The following MTUS2 variants were observed in gnomAD, a reference collection of about 807,000 sequenced individuals.
The protein encoded by MTUS2 is microtubule-associated tumor suppressor candidate 2.
In MTUS2, 40 loss-of-function variants were observed where a neutral mutation model predicts 114.1. The observed-to-expected ratio is 0.35, with a 90% CI of 0.27 to 0.46. MTUS2 has a LOEUF of 0.46. MTUS2 is among the 20% of genes least tolerant of loss of function. The pLI, the probability that MTUS2 is intolerant of heterozygous loss-of-function variation, is 1.00. For missense variants in MTUS2, 1,679 were observed against 1,705.4 expected (o/e 0.98, Z 0.27); for synonymous variants, 688 against 672.0 (o/e 1.02, Z -0.37).
At chr13:29,464,271 C>T (rs1160926382) in intron 9 of MTUS2, among the ~76,000 whole-genome samples, 1 of 152,218 alleles carries the variant, frequency 6.6e-6, no homozygotes, top group Non-Finnish European at 1.5e-5. Flanking sequence ...AAGGCGGAAG[C>T]CTGGAAGCAA....
At chr13:29,304,724 A>T (rs1040407314) in intron 6 of MTUS2, among the ~76,000 whole-genome samples, 3 of 152,194 alleles carry the variant, frequency 2.0e-5, no homozygotes, top group African/African-American at 7.2e-5. Context: ...TATTAGACAG[A>T]TGATCAAGAC....
intron 6 of MTUS2, among the ~76,000 whole-genome samples, chr13:29,306,494 A>G (rs905738549): frequency 6.6e-6 from 1 of 152,198 alleles, no homozygotes; most frequent in Admixed American, 6.5e-5. Context: ...TACACCAACA[A>G]CAGGAAAGCA....
In MTUS2 at chr13:29,487,972, A is replaced by G. The variant is rs1350765894; in HGVS notation, c.3472A>G (p.Ile1158Val). ...MENNHTVAIT[I>V]LQDDHDHKVQ... Reference sequence around the variant, plus strand: ...AAATAACCACACAGTTGCCATCACAATCCTGCAGGATGACCACGACCACAA... The same window carrying G: ...AAATAACCACACAGTTGCCATCACAGTCCTGCAGGATGACCACGACCACAA... Residue 1158 changes from isoleucine to valine, a missense_variant, in exon 11 of 16, where the codon ATC becomes GTC. By Grantham distance (29) the Ile-to-Val change is conservative. Coordinates refer to ENST00000612955, the MANE Select transcript of MTUS2 (RefSeq NM_001033602.4). 6 of 1,614,066 alleles carry G rather than the reference A, an allele frequency of 3.7e-6. No individual in the cohort carries two copies. The highest frequency in any genetic ancestry group is 5.1e-6 in the Non-Finnish European group (6 of 1,180,006).
At chr13:29,285,228 T>C (rs756570764) in intron 6 of MTUS2, among the ~76,000 whole-genome samples, 8 of 149,776 alleles carry the variant, frequency 5.3e-5, no homozygotes, top group Non-Finnish European at 1.0e-4. Flanking sequence ...ACTAGTCACA[T>C]TGGAGGATGC....
At chr13:29,085,069 T>C (rs7331544) in intron 4 of MTUS2, among the ~76,000 whole-genome samples, 45,363 of 151,876 alleles carry the variant, frequency 0.3, 7,100 homozygotes, top group East Asian at 0.6. Flanking sequence ...TGCAGTTGTT[T>C]AAAAGAATCT....
intron 8 of MTUS2, among the ~76,000 whole-genome samples, chr13:29,394,732 T>G (rs570039781): frequency 1.3e-5 from 2 of 152,228 alleles, no homozygotes; most frequent in African/African-American, 4.8e-5. Context: ...GTGCAGGAGG[T>G]GAGCAGTGGG....
intron 2 of MTUS2, among the ~76,000 whole-genome samples, chr13:28,984,332 C>G (rs1188749897): frequency 6.6e-6 from 1 of 152,280 alleles, no homozygotes; most frequent in East Asian, 1.9e-4. Flanking sequence ...TCCTTCTACC[C>G]CTCCTTTCCT....
Position 29,496,189 on chromosome 13 carries a change from G to A in MTUS2, c.3580-1049G>A, listed in dbSNP as rs182586485. On this transcript the variant is annotated intron_variant, in intron 12 of 15. Coordinates refer to ENST00000612955, the MANE Select transcript of MTUS2 (RefSeq NM_001033602.4). The surrounding 1 kb of genome is among the most constrained non-coding windows in gnomAD (Gnocchi z 4.3). Reference sequence around the variant, plus strand: ...ATCTGCCCTGGGACCTGGGGAAGGGGTGCAGTGTCTCCATAGACATGCCTG... The same window carrying A: ...ATCTGCCCTGGGACCTGGGGAAGGGATGCAGTGTCTCCATAGACATGCCTG... Among the ~76,000 whole-genome samples the A allele has an allele frequency of 2.0e-3, 298 of 152,284 alleles. No individual in the cohort carries two copies. The highest frequency in any genetic ancestry group is 3.4e-3 in the Non-Finnish European group (233 of 68,028).
chr13:29,452,134 A>G (rs2138741876), intron 9 of MTUS2, among the ~76,000 whole-genome samples: 1 of 152,352 alleles, frequency 6.6e-6, no homozygotes, highest in African/African-American at 2.4e-5. Context: ...TTACCCATGC[A>G]TAGTAATATC....
chr13:29,168,446 C>T (rs774520731), intron 5 of MTUS2, among the ~76,000 whole-genome samples: 1 of 152,150 alleles, frequency 6.6e-6, no homozygotes, highest in Non-Finnish European at 1.5e-5. Context: ...TGTGAATTAT[C>T]TCTTCATATT....
chr13:29,056,044 A>G (rs1202142170), intron 4 of MTUS2, among the ~76,000 whole-genome samples: 1 of 152,104 alleles, frequency 6.6e-6, no homozygotes, highest in Non-Finnish European at 1.5e-5. Context: ...TTTGCTGTGC[A>G]GAAGTTCTTT....
At chr13:29,114,974 A>T (rs114701832) in intron 5 of MTUS2, among the ~76,000 whole-genome samples, 1 of 152,246 alleles carries the variant, frequency 6.6e-6, no homozygotes, top group Non-Finnish European at 1.5e-5. Context: ...TGCCATGCAG[A>T]TGATAGAGCT....
chr13:29,214,709 G>A (rs11620101), intron 5 of MTUS2, among the ~76,000 whole-genome samples: 1 of 152,142 alleles, frequency 6.6e-6, no homozygotes, highest in African/African-American at 2.4e-5. Flanking sequence ...CTGGCTTGTA[G>A]GGTTTCTGCA....
intron 6 of MTUS2, among the ~76,000 whole-genome samples, chr13:29,314,434 G>T (rs1176788500): frequency 6.6e-6 from 1 of 152,086 alleles, no homozygotes; most frequent in African/African-American, 2.4e-5. Context: ...ATTTATATTT[G>T]GTTTAAACAA....
intron 2 of MTUS2, among the ~76,000 whole-genome samples, chr13:28,948,695 G>GGA (rs1381148773): frequency 1.3e-5 from 2 of 152,304 alleles, no homozygotes; most frequent in East Asian, 3.9e-4. Context: ...GCACCGTGAT[G>GGA]GAGTTATAAT....
intron 9 of MTUS2, among the ~76,000 whole-genome samples, chr13:29,460,664 A>T (rs1356930892): frequency 6.6e-6 from 1 of 152,176 alleles, no homozygotes; most frequent in Non-Finnish European, 1.5e-5. Flanking sequence ...CGTGTTGAGA[A>T]ATGTATCCTC....
At chr13:29,088,789 C>G (rs1335240945) in intron 4 of MTUS2, among the ~76,000 whole-genome samples, 1 of 152,006 alleles carries the variant, frequency 6.6e-6, no homozygotes, top group Non-Finnish European at 1.5e-5. Flanking sequence ...ATAGCAACCC[C>G]TGTTCTTTTT....
At chr13:29,417,895 T>C (rs1875781470) in intron 8 of MTUS2, among the ~76,000 whole-genome samples, 1 of 152,264 alleles carries the variant, frequency 6.6e-6, no homozygotes, top group African/African-American at 2.4e-5. Flanking sequence ...CATTTATTTT[T>C]GCAGTATTGG....
At chr13:29,275,434 C>T (rs73168231) in intron 5 of MTUS2, among the ~76,000 whole-genome samples, 6,557 of 152,118 alleles carry the variant, frequency 0.043, 425 homozygotes, top group East Asian at 0.28. Context: ...TAATTATAGT[C>T]ACCCTGTTAT....
Sources: gnomAD v4.1 joint callset for allele counts (sites outside exome capture counted in the v4.1 genomes callset) on GRCh38, gnomAD v4.1.1 for gene constraint, Gnocchi (gnomAD v3.1) non-coding constraint, MANE v1.5 for transcripts, NCBI Gene and HGNC (gene_info 2026-07-23, HGNC 2026-07-21) for gene names.